The following DOCK3 variants were observed in gnomAD, a reference collection of about 807,000 sequenced individuals.
The protein encoded by DOCK3 is dedicator of cytokinesis protein 3.
In DOCK3, 60 loss-of-function variants were observed where a neutral mutation model predicts 265.6. That is an observed-to-expected ratio of 0.23 (90% CI 0.18 to 0.28). The LOEUF (loss-of-function observed/expected upper bound fraction) is 0.28. DOCK3 is among the 10% of genes least tolerant of loss of function. The pLI is 1.00. For synonymous variants in DOCK3, 881 were observed against 938.0 expected (o/e 0.94, Z 1.11); for missense variants, 1,981 against 2,594.3 (o/e 0.76, Z 5.14).
rs1259547417 is a variant in DOCK3 at position 51,383,957 on chromosome 3, G to A, written c.*2398G>A. On this transcript the variant is annotated 3_prime_UTR_variant, in exon 53 of 53. Coordinates refer to ENST00000266037, the MANE Select transcript of DOCK3 (RefSeq NM_004947.5). ...CTAACCATTTCTTTTGTGTATTCATGTTTAAAGAAAAAAAGTGATTTAAAA... is the reference window on the plus strand; with the variant it reads ...CTAACCATTTCTTTTGTGTATTCATATTTAAAGAAAAAAAGTGATTTAAAA... 1 of 152,544 alleles carries A rather than the reference G, an allele frequency of 6.6e-6. No homozygotes were observed. The highest frequency in any genetic ancestry group is 1.5e-5 in the Non-Finnish European group (1 of 68,006). The allele number at this position is 152,544 out of a possible 1,614,324, so 9.4% of individuals were successfully genotyped here.
At position 51,056,953 on chromosome 3, in the gene DOCK3, T is replaced by C. The variant is rs554871942; in HGVS notation, c.316-7495T>C. On this transcript the variant is annotated intron_variant, in intron 5 of 52. Transcript: ENST00000266037. ...GGCAGGACATTATTCTCTTTGAGGA[T>C]AGCAAAATTTCTGATGTCATTTTTA... is the stretch of plus-strand genomic sequence containing the variant. 6.0e-4 allele frequency among the ~76,000 whole-genome samples: 92 copies of C among 152,316 alleles called. 1 individual carries two copies. Among genetic ancestry groups the C allele is most frequent in the Admixed American group, 1.8e-3 (28 of 15,292 alleles).
chr3:51,026,587 G>A (rs1179881373), intron 5 of DOCK3, among the ~76,000 whole-genome samples: 1 of 152,006 alleles, frequency 6.6e-6, no homozygotes, highest in African/African-American at 2.4e-5. Flanking sequence ...TATCTGGTAG[G>A]ATTCAACTGT....
intron 1 of DOCK3, among the ~76,000 whole-genome samples, chr3:50,763,660 T>G (rs932775755): frequency 4.6e-5 from 7 of 152,180 alleles, no homozygotes; most frequent in Admixed American, 1.3e-4. Flanking sequence ...TATGAAAAAT[T>G]TTGGCATACA....
At chr3:50,769,638 C>G (rs892088208) in intron 1 of DOCK3, among the ~76,000 whole-genome samples, 4 of 151,804 alleles carry the variant, frequency 2.6e-5, no homozygotes, top group Non-Finnish European at 5.9e-5. Context: ...TGGTGAAACC[C>G]TGTCTCTACT....
chr3:51,226,401 C>T (rs1468581035), intron 15 of DOCK3, among the ~76,000 whole-genome samples: 2 of 152,290 alleles, frequency 1.3e-5, no homozygotes, highest in African/African-American at 2.4e-5. Flanking sequence ...GAAGACAAAT[C>T]GGTGTTGTAC....
chr3:51,125,681 A>G (rs1402786562), intron 9 of DOCK3, among the ~76,000 whole-genome samples: 1 of 152,234 alleles, frequency 6.6e-6, no homozygotes, highest in Non-Finnish European at 1.5e-5. Context: ...GGACAAATAT[A>G]GAGGAGTATG....
intron 12 of DOCK3, among the ~76,000 whole-genome samples, chr3:51,186,081 C>A (rs2087582803): frequency 6.6e-6 from 1 of 152,230 alleles, no homozygotes; most frequent in Admixed American, 6.5e-5. Flanking sequence ...GTTTGGAGGG[C>A]TCAGAAGAAG....
At chr3:50,916,067 A>G (rs2050102572) in intron 4 of DOCK3, among the ~76,000 whole-genome samples, 1 of 151,998 alleles carries the variant, frequency 6.6e-6, no homozygotes, top group Admixed American at 6.6e-5. Context: ...TCCAAAATGG[A>G]GACATGCGAT....
chr3:51,100,647 A>G (rs1225716682), intron 9 of DOCK3, among the ~76,000 whole-genome samples: 1 of 152,250 alleles, frequency 6.6e-6, no homozygotes, highest in Non-Finnish European at 1.5e-5. Flanking sequence ...TTAATTCACC[A>G]TTAAAACAAA....
intron 9 of DOCK3, among the ~76,000 whole-genome samples, chr3:51,129,367 C>A (rs1347909834): frequency 1.3e-5 from 2 of 152,178 alleles, no homozygotes; most frequent in Non-Finnish European, 2.9e-5. Flanking sequence ...GTCAACTGAT[C>A]CTGGGGCACT....
intron 27 of DOCK3, among the ~76,000 whole-genome samples, chr3:51,287,765 A>G (rs2081490856): frequency 6.6e-6 from 1 of 152,216 alleles, no homozygotes; most frequent in African/African-American, 2.4e-5. Flanking sequence ...CATTCAACCC[A>G]GCAATCCCAT....
intron 27 of DOCK3, among the ~76,000 whole-genome samples, chr3:51,295,866 T>G (rs1484668616): frequency 6.6e-6 from 1 of 151,936 alleles, no homozygotes. Flanking sequence ...TTTTAGGAGG[T>G]GAGGTATTCT....
At chr3:51,093,429 T>G (rs557564301) in intron 9 of DOCK3, among the ~76,000 whole-genome samples, 1 of 152,274 alleles carries the variant, frequency 6.6e-6, no homozygotes, top group East Asian at 1.9e-4. Context: ...AGGTATTTTA[T>G]TGTCTTTGTA....
At chr3:50,898,923 C>T (rs557684609) in intron 4 of DOCK3, among the ~76,000 whole-genome samples, 8 of 152,100 alleles carry the variant, frequency 5.3e-5, no homozygotes, top group East Asian at 3.9e-4. Flanking sequence ...AGAATAAGTG[C>T]GATGTAGTGC....
chr3:51,249,599 T>TG (rs1242601244), intron 22 of DOCK3, among the ~76,000 whole-genome samples: 6 of 77,816 alleles, frequency 7.7e-5, no homozygotes, highest in Non-Finnish European at 1.1e-4. Flanking sequence ...GGGAGGGAGG[T>TG]GGGGGGGTCA....
intron 6 of DOCK3, among the ~76,000 whole-genome samples, chr3:51,065,484 C>A (rs904016226): frequency 6.6e-6 from 1 of 152,148 alleles, no homozygotes; most frequent in Admixed American, 6.5e-5. Context: ...GAGAGTCAGT[C>A]TGCCCCACAG....
intron 1 of DOCK3, among the ~76,000 whole-genome samples, chr3:50,715,593 T>C (rs2037055999): frequency 6.6e-6 from 1 of 151,866 alleles, no homozygotes; most frequent in Non-Finnish European, 1.5e-5. Context: ...TTTCAGGATA[T>C]TGGAGTGAGA....
At chr3:50,955,240 T>C (rs1454200352) in intron 5 of DOCK3, among the ~76,000 whole-genome samples, 1 of 151,800 alleles carries the variant, frequency 6.6e-6, no homozygotes, top group Non-Finnish European at 1.5e-5. Flanking sequence ...TTGGTGGGAG[T>C]GTAAATTAGT....
chr3:51,357,237 C>T (rs1440553329), intron 44 of DOCK3, 96 bp downstream of exon 44: 6 of 1,381,438 alleles, frequency 4.3e-6, no homozygotes, highest in Non-Finnish European at 5.9e-6. Flanking sequence ...CCTTAGGTAG[C>T]CTTCCCTACA....
Sources: allele counts gnomAD v4.1 joint callset (sites outside exome capture counted in the v4.1 genomes callset), GRCh38; gene constraint gnomAD v4.1.1; transcripts MANE v1.5; gene names NCBI Gene and HGNC (gene_info 2026-07-23, HGNC 2026-07-21).